ZNF248: variants seen among roughly 807,000 people sequenced by gnomAD.
The protein encoded by ZNF248 is zinc finger protein 248, also known as KRAB protein domain.
ZNF248 carries 20 observed loss-of-function variants against 44.3 expected under a neutral mutation model. The observed-to-expected ratio is 0.45, with a 90% CI of 0.32 to 0.66. The LOEUF (loss-of-function observed/expected upper bound fraction) is 0.66. ZNF248 is among the 30% of genes least tolerant of loss of function. The pLI is 0.04. For synonymous variants in ZNF248, 224 were observed against 229.0 expected (o/e 0.98, Z 0.20); for missense variants, 654 against 677.0 (o/e 0.97, Z 0.38).
chr10:37,798,166 A>T (rs2049373496), intron 6 of ZNF248, among the ~76,000 whole-genome samples: 1 of 152,190 alleles, frequency 6.6e-6, no homozygotes, highest in African/African-American at 2.4e-5. Flanking sequence ...ATGCTACAAT[A>T]AATGAATCTT....
intron 6 of ZNF248, chr10:37,819,301 A>G: frequency 1.0e-6 from 1 of 1,003,256 alleles, no homozygotes. Flanking sequence ...ACACTGTACA[A>G]AATGAGTCAG....
the ZNF248 span, among the ~76,000 whole-genome samples, chr10:37,761,855 T>C: frequency 6.6e-6 from 1 of 152,130 alleles, no homozygotes. Context: ...AAAACTATTA[T>C]CTCATATAAA....
At chr10:37,804,084 G>A (rs2050172215) in intron 6 of ZNF248, 1 of 142,300 alleles carries the variant, frequency 7.0e-6, no homozygotes, top group Non-Finnish European at 1.5e-5. Flanking sequence ...CTCTAAACTT[G>A]TTTCCTTTTT....
At chr10:37,782,018 T>C (rs1444331551) in intron 6 of ZNF248, among the ~76,000 whole-genome samples, 1 of 152,234 alleles carries the variant, frequency 6.6e-6, no homozygotes, top group African/African-American at 2.4e-5. Flanking sequence ...CATCAATTTT[T>C]ATAATAGATT....
chr10:37,817,841 A>C (rs1401574293), intron 6 of ZNF248, among the ~76,000 whole-genome samples: 2 of 152,164 alleles, frequency 1.3e-5, no homozygotes, highest in Middle Eastern at 3.4e-3. Flanking sequence ...TGTTACCTAA[A>C]CTTTATTAAA....
At chr10:37,779,162 T>C (rs2046977429) in intron 6 of ZNF248, among the ~76,000 whole-genome samples, 1 of 152,054 alleles carries the variant, frequency 6.6e-6, no homozygotes, top group Non-Finnish European at 1.5e-5. Flanking sequence ...TAACTCATTT[T>C]ATGAGGCCAG....
In ZNF248 at chr10:37,820,242, ATC is replaced by A. The variant is rs950067567; in HGVS notation, c.330+12781_330+12782del. ...CTGGGTCTGTCTGTGCCAGATGGAG[ATC>A]TGTTTTTGGGAGCTGCAGAAATGCT... On this transcript the variant is annotated intron_variant, in intron 6 of 6. Transcript: ENST00000615949. 4.5e-6 allele frequency: 6 copies of A among 1,344,394 alleles called. No individual in the cohort carries two copies. The South Asian group carries it at 7.0e-5, about 16-fold the overall frequency. The allele number at this position is 1,344,394 out of a possible 1,614,324, so 83.3% of individuals were successfully genotyped here. A position where few individuals can be genotyped will look rare whatever the true frequency, so the allele number is the denominator to read the frequency against.
chr10:37,819,367 A>G, intron 6 of ZNF248: 1 of 1,283,896 alleles, frequency 7.8e-7, no homozygotes, highest in East Asian at 2.3e-5. Context: ...CCAGTTCTTT[A>G]TGAATCCAGT....
At chr10:37,824,330 T>C (rs1250194726), downstream of ZNF248, among the ~76,000 whole-genome samples, 2 of 152,286 alleles carry the variant, frequency 1.3e-5, no homozygotes, top group Middle Eastern at 3.4e-3. Context: ...AGTCTACTGA[T>C]TTAAATGTTA....
intron 6 of ZNF248, among the ~76,000 whole-genome samples, chr10:37,796,668 A>G (rs1164653356): frequency 6.7e-6 from 1 of 149,028 alleles, no homozygotes; most frequent in African/African-American, 2.5e-5. Context: ...ACCAAATCCC[A>G]TTTTCCCCCT....
chr10:37,764,010 G>C, the ZNF248 span, among the ~76,000 whole-genome samples: 17 of 152,196 alleles, frequency 1.1e-4, no homozygotes, highest in African/African-American at 4.1e-4. Context: ...TGGGCACCTT[G>C]AAAACAGAAC....
chr10:37,828,341 T>G (rs1309639420), downstream of ZNF248, among the ~76,000 whole-genome samples: 4 of 152,244 alleles, frequency 2.6e-5, no homozygotes, highest in African/African-American at 9.6e-5. Context: ...TTGATTTTTC[T>G]TTATGGCGCT....
At chr10:37,790,270 CAAAAAAA>C (rs35082361) in intron 6 of ZNF248, among the ~76,000 whole-genome samples, 1 of 91,000 alleles carries the variant, frequency 1.1e-5, no homozygotes, top group Non-Finnish European at 2.2e-5. Flanking sequence ...GACTCTGTGT[CAAAAAAA>C]AAAAAAAAAA....
In ZNF248 at chr10:37,833,018, C is replaced by A; in HGVS notation, c.337G>T (p.Val113Leu). 6.2e-7 allele frequency: 1 copy of A among 1,613,708 alleles called. No individual in the cohort carries two copies. Among genetic ancestry groups the A allele is most frequent in the Non-Finnish European group, 8.5e-7 (1 of 1,179,784 alleles). Residue 113 changes from valine to leucine, a missense_variant, in exon 6 of 6, where the codon GTA (valine) becomes TTA (leucine). Val to Leu is a conservative substitution (Grantham distance 32, BLOSUM62 1). Coordinates refer to ENST00000395867, the MANE Select transcript of ZNF248 (RefSeq NM_021045.3). ...LLFHNNKTVS[V>L]ENGDRGSKTF... is the part of the protein sequence containing the mutation. ...TTGCTTCCTCTATCTCCATTTTCTA[C>A]ACTTACTGTTTTGTTGTTGTGGAAT...
chr10:37,820,901 C>T (rs1564532651), intron 6 of ZNF248: 32 of 1,446,288 alleles, frequency 2.2e-5, no homozygotes, highest in Non-Finnish European at 2.0e-5. Context: ...TTCTAGTTTT[C>T]CTTACTAATA....
the ZNF248 span, among the ~76,000 whole-genome samples, chr10:37,768,284 C>T: frequency 1.3e-5 from 2 of 152,192 alleles, no homozygotes; most frequent in Non-Finnish European, 2.9e-5. Flanking sequence ...ACCTAATAGA[C>T]ATCTACAGAA....
intron 5 of ZNF248, among the ~76,000 whole-genome samples, chr10:37,833,403 A>G (rs746290374): frequency 7.2e-5 from 11 of 152,212 alleles, no homozygotes; most frequent in Non-Finnish European, 1.3e-4. Context: ...TTCACAGCAC[A>G]GGGAACCAGA....
the ZNF248 span, among the ~76,000 whole-genome samples, chr10:37,767,083 A>G: frequency 5.3e-5 from 8 of 152,326 alleles, no homozygotes; most frequent in Middle Eastern, 3.4e-3. Context: ...AAAAAAGAAT[A>G]AAAAGAAACG....
At chr10:37,842,229 G>C in intron 3 of ZNF248, among the ~76,000 whole-genome samples, 1 of 152,020 alleles carries the variant, frequency 6.6e-6, no homozygotes, top group East Asian at 1.9e-4. Context: ...AAACATACAA[G>C]AGGACAAGAT....
Sources: allele counts gnomAD v4.1 joint callset (sites outside exome capture counted in the v4.1 genomes callset), GRCh38; gene constraint gnomAD v4.1.1; transcripts MANE v1.5; gene names NCBI Gene and HGNC (gene_info 2026-07-23, HGNC 2026-07-21).